Variants in CLYBL observed in about 807,000 individuals in gnomAD.
CLYBL encodes citramalyl-CoA lyase, mitochondrial.
A neutral mutation model predicts 38.9 loss-of-function variants in CLYBL; 31 were observed. The ratio of observed to expected loss-of-function variants is 0.80; its 90% CI spans 0.60 to 1.08. CLYBL has a LOEUF of 1.08. Among genes scored for constraint, CLYBL ranks in the 50% least tolerant of loss-of-function variants. The pLI, the probability that CLYBL is intolerant of heterozygous loss-of-function variation, is 0.00. For synonymous variants in CLYBL, 171 were observed against 158.6 expected (o/e 1.08, Z -0.59); for missense variants, 434 against 411.6 (o/e 1.05, Z -0.47).
At chr13:99,821,631 ATT>A (rs1425807305) in intron 2 of CLYBL, among the ~76,000 whole-genome samples, 1 of 152,218 alleles carries the variant, frequency 6.6e-6, no homozygotes, top group Non-Finnish European at 1.5e-5. Context: ...GCCCAATGGT[ATT>A]GAGTCCAGAC....
chr13:99,658,870 T>C (rs755728630), intron 1 of CLYBL, among the ~76,000 whole-genome samples: 11 of 152,192 alleles, frequency 7.2e-5, no homozygotes, highest in Non-Finnish European at 1.2e-4. Context: ...AAAGGACTTG[T>C]AAAGCCTATT....
At chr13:99,853,158 T>C (rs1396106231) in intron 2 of CLYBL, among the ~76,000 whole-genome samples, 1 of 152,052 alleles carries the variant, frequency 6.6e-6, no homozygotes, top group South Asian at 2.1e-4. Flanking sequence ...GTTGGAGACC[T>C]TCAAAACAAA....
chr13:99,706,165 C>T (rs1433608899), intron 1 of CLYBL, among the ~76,000 whole-genome samples: 1 of 152,048 alleles, frequency 6.6e-6, no homozygotes. Flanking sequence ...CTCCTAACCT[C>T]GTGATCCACC....
chr13:99,857,726 T>C (rs2051494650), intron 2 of CLYBL, among the ~76,000 whole-genome samples: 1 of 152,234 alleles, frequency 6.6e-6, no homozygotes, highest in Non-Finnish European at 1.5e-5. Context: ...AGACTCAATA[T>C]TTGGCTTAAA....
chr13:99,783,480 G>A (rs371141023), intron 2 of CLYBL, among the ~76,000 whole-genome samples: 16 of 150,520 alleles, frequency 1.1e-4, no homozygotes, highest in East Asian at 3.9e-4. Context: ...TTTTTGAGAC[G>A]GAGTGTTGCT....
At chr13:99,665,527 A>G (rs1488185491) in intron 1 of CLYBL, among the ~76,000 whole-genome samples, 1 of 152,052 alleles carries the variant, frequency 6.6e-6, no homozygotes, top group Non-Finnish European at 1.5e-5. Context: ...TTTAGTGAAA[A>G]AAATTATTAA....
In CLYBL at chr13:99,741,574, C is replaced by T. The variant is rs183175158; in HGVS notation, c.63-31250C>T. Among the ~76,000 whole-genome samples, 42 of 152,286 alleles carry T rather than the reference C, an allele frequency of 2.8e-4. No individual in the cohort carries two copies. The East Asian group carries it at 6.2e-3, about 22-fold the overall frequency. On this transcript the variant is annotated intron_variant, in intron 1 of 8. Transcript: ENST00000339105. ...TTTTTGGGGGGTGGGGGTCGGGGGACGGAGTCCCACTCCGCCGCCCAGACA... is the reference window on the plus strand; with the variant it reads ...TTTTTGGGGGGTGGGGGTCGGGGGATGGAGTCCCACTCCGCCGCCCAGACA...
At chr13:99,647,419 C>T (rs1338155196) in intron 1 of CLYBL, among the ~76,000 whole-genome samples, 1 of 151,980 alleles carries the variant, frequency 6.6e-6, no homozygotes, top group Non-Finnish European at 1.5e-5. Context: ...CTACATCTGT[C>T]ACACGCCCCC....
intron 2 of CLYBL, among the ~76,000 whole-genome samples, chr13:99,809,687 G>T (rs2050302831): frequency 6.6e-6 from 1 of 152,264 alleles, no homozygotes; most frequent in Non-Finnish European, 1.5e-5. Flanking sequence ...TCCATCGAGG[G>T]TGTGACGGCT....
At chr13:99,645,497 C>CAAAAAAA (rs35412408) in intron 1 of CLYBL, among the ~76,000 whole-genome samples, 1 of 94,184 alleles carries the variant, frequency 1.1e-5, no homozygotes, top group Admixed American at 1.2e-4. Flanking sequence ...GACTCTGTCT[C>CAAAAAAA]AAAAAAAAAA....
intron 1 of CLYBL, among the ~76,000 whole-genome samples, chr13:99,675,628 G>A (rs374950788): frequency 3.6e-4 from 55 of 152,258 alleles, no homozygotes; most frequent in African/African-American, 1.3e-3. Context: ...CATACGATAC[G>A]TGGTCTTTTG....
chr13:99,672,654 T>G (rs910173827), intron 1 of CLYBL, among the ~76,000 whole-genome samples: 1 of 150,796 alleles, frequency 6.6e-6, no homozygotes, highest in East Asian at 1.9e-4. Flanking sequence ...TGTGTGCCTA[T>G]AGTCCCAGCT....
At chr13:99,859,489 A>G (rs1444254014) in intron 3 of CLYBL, among the ~76,000 whole-genome samples, 2 of 152,214 alleles carry the variant, frequency 1.3e-5, no homozygotes, top group African/African-American at 2.4e-5. Context: ...GCCGCATATG[A>G]AAAAATGAAC....
chr13:99,701,698 G>A (rs1017932722), intron 1 of CLYBL, among the ~76,000 whole-genome samples: 2 of 151,556 alleles, frequency 1.3e-5, no homozygotes, highest in African/African-American at 2.4e-5. Context: ...TTTTTGAGAC[G>A]AAGTCTCACT....
chr13:99,623,933 T>C (rs1187366993), intron 1 of CLYBL, among the ~76,000 whole-genome samples: 1 of 129,450 alleles, frequency 7.7e-6, no homozygotes, highest in Non-Finnish European at 1.5e-5. Flanking sequence ...CACTCCAGCC[T>C]GGGCAACAGA....
intron 2 of CLYBL, among the ~76,000 whole-genome samples, chr13:99,822,335 C>T (rs2050603794): frequency 6.6e-6 from 1 of 152,200 alleles, no homozygotes. Flanking sequence ...AGCAAAACAG[C>T]ATGACTGGTG....
In CLYBL at chr13:99,668,289, T is replaced by G. The variant is rs968192572; in HGVS notation, c.62+61532T>G. Among the ~76,000 whole-genome samples, 13 of 139,784 alleles carry G rather than the reference T, an allele frequency of 9.3e-5. No individual in the cohort carries two copies. In the South Asian group the frequency reaches 1.6e-3, roughly 18 times the overall value. The allele number at this position is 139,784 out of a possible 152,430, so 91.7% of individuals were successfully genotyped here. A position where few individuals can be genotyped will look rare whatever the true frequency, so the allele number is the denominator to read the frequency against. Reference sequence around the variant, plus strand: ...CCCTTGTCTTAAAAAAAAAAAATCTTTAATAGAACACTGGCGGCCGGGCAT... The same window carrying G: ...CCCTTGTCTTAAAAAAAAAAAATCTGTAATAGAACACTGGCGGCCGGGCAT... On this transcript the variant is annotated intron_variant, in intron 1 of 8. Coordinates refer to ENST00000339105, the MANE Select transcript of CLYBL (RefSeq NM_206808.5).
intron 2 of CLYBL, among the ~76,000 whole-genome samples, chr13:99,805,334 C>T (rs1039753654): frequency 2.6e-5 from 4 of 152,048 alleles, no homozygotes; most frequent in South Asian, 2.1e-4. Flanking sequence ...TGAGGAATTG[C>T]CGTACTGTTA....
intron 1 of CLYBL, among the ~76,000 whole-genome samples, chr13:99,763,711 C>T (rs780473093): frequency 3.3e-5 from 5 of 151,956 alleles, no homozygotes; most frequent in Non-Finnish European, 5.9e-5. Flanking sequence ...GATGCCACCA[C>T]GCCCGGCTAA....
Sources: gnomAD v4.1 joint callset for allele counts (sites outside exome capture counted in the v4.1 genomes callset) on GRCh38, gnomAD v4.1.1 for gene constraint, MANE v1.5 for transcripts, NCBI Gene and HGNC (gene_info 2026-07-23, HGNC 2026-07-21) for gene names.